Variants in CERKL observed in about 807,000 individuals in gnomAD.
CERKL encodes the protein ceramide kinase-like protein.
A neutral mutation model predicts 63.4 loss-of-function variants in CERKL; 61 were observed. That is an observed-to-expected ratio of 0.96 (90% CI 0.78 to 1.19). CERKL has a LOEUF of 1.19. Ranked by LOEUF, CERKL falls within the 50% of genes most tolerant of loss-of-function variation. The pLI is 0.00. For synonymous variants in CERKL, 250 were observed against 230.5 expected (o/e 1.08, Z -0.77); for missense variants, 675 against 655.5 (o/e 1.03, Z -0.33).
chr2:181,554,230 T>C (rs1176690740), intron 5 of CERKL, among the ~76,000 whole-genome samples: 2 of 151,058 alleles, frequency 1.3e-5, no homozygotes, highest in Admixed American at 6.6e-5. Context: ...ATTAACTTAA[T>C]TAACCAGATA....
At chr2:181,639,241 A>T (rs766812139) in intron 1 of CERKL, among the ~76,000 whole-genome samples, 14 of 152,162 alleles carry the variant, frequency 9.2e-5, no homozygotes, top group Non-Finnish European at 1.9e-4. Flanking sequence ...GATGCCTAGG[A>T]ATTACTTCAA....
At chr2:181,631,154 C>T (rs139985967) in intron 1 of CERKL, among the ~76,000 whole-genome samples, 111 of 152,328 alleles carry the variant, frequency 7.3e-4, no homozygotes, top group African/African-American at 2.4e-3. Context: ...ACAAGAATTT[C>T]TCATGCTGCC....
chr2:181,629,706 A>G (rs934906626), intron 1 of CERKL, among the ~76,000 whole-genome samples: 2 of 151,754 alleles, frequency 1.3e-5, no homozygotes, highest in Non-Finnish European at 2.9e-5. Context: ...TGACATTGTT[A>G]GTGATATTCA....
At chr2:181,606,552 G>C (rs1194795577) in intron 1 of CERKL, among the ~76,000 whole-genome samples, 1 of 76,064 alleles carries the variant, frequency 1.3e-5, no homozygotes, top group East Asian at 5.3e-4. Flanking sequence ...AGGGGAGGGG[G>C]GAGGAGAGGG....
At chr2:181,652,384 G>A (rs1317638161) in intron 1 of CERKL, among the ~76,000 whole-genome samples, 1 of 152,118 alleles carries the variant, frequency 6.6e-6, no homozygotes, top group Non-Finnish European at 1.5e-5. Flanking sequence ...TCAAGAACAT[G>A]CACTGGGAAA....
At position 181,547,629 on chromosome 2, in the gene CERKL, T is replaced by G. The variant is rs2105801474; in HGVS notation, c.1257A>C (p.Ala419=). The change falls in exon 10 of 13, where the codon GCA becomes GCC. Residue 419 remains alanine (A), a synonymous_variant. Coordinates refer to ENST00000410087, the MANE Select transcript of CERKL (RefSeq NM_201548.5). Reference sequence around the variant, plus strand: ...AAATGCTTACTAACCTGGTATTAGGTGCCAAGCCTCTAGGTGCCACTGAAC... The same window carrying G: ...AAATGCTTACTAACCTGGTATTAGGGGCCAAGCCTCTAGGTGCCACTGAAC... The part of the protein sequence containing the change: ...CLCSVAPRGL[A]PNTRLNNGSM... The G allele has an allele frequency of 6.2e-7, 1 of 1,613,810 alleles. No homozygotes were observed. Among genetic ancestry groups the G allele is most frequent in the South Asian group, 1.1e-5 (1 of 91,070 alleles).
rs1205755482 is a variant in CERKL, at chr2:181,539,231, C to T, written c.1399G>A (p.Glu467Lys). ...NFPFVETYTV[E>K]EVKVHPRNNT... ...TTCCTTGGATGAACTTTTACTTCCT[C>T]AACAGTGTAAGTCTCAACAAATGGA... is the stretch of plus-strand genomic sequence containing the variant. The change falls in exon 12 of 13, where the codon GAG (glutamate) becomes AAG (lysine). Residue 467 changes from glutamate (E) to lysine (K), a missense_variant. Transcript: ENST00000410087. The T allele has an allele frequency of 6.3e-7, 1 of 1,599,350 alleles. No homozygotes were observed. Among genetic ancestry groups the T allele is most frequent in the Admixed American group, 1.7e-5 (1 of 59,964 alleles).
At chr2:181,630,225 C>T (rs1312292364) in intron 1 of CERKL, among the ~76,000 whole-genome samples, 1 of 151,940 alleles carries the variant, frequency 6.6e-6, no homozygotes, top group East Asian at 1.9e-4. Flanking sequence ...CCCCCTGCCC[C>T]CCCAGAGTCG....
intron 1 of CERKL, among the ~76,000 whole-genome samples, chr2:181,654,064 A>T (rs1350977240): frequency 6.6e-6 from 1 of 152,196 alleles, no homozygotes; most frequent in Non-Finnish European, 1.5e-5. Flanking sequence ...TAAACAATTA[A>T]AAAGTTATTA....
At chr2:181,541,851 G>A (rs932529663) in intron 11 of CERKL, among the ~76,000 whole-genome samples, 1 of 152,176 alleles carries the variant, frequency 6.6e-6, no homozygotes, top group African/African-American at 2.4e-5. Context: ...ACAGAGCAAC[G>A]CAGAAGGAAC....
intron 1 of CERKL, among the ~76,000 whole-genome samples, chr2:181,639,073 T>C (rs954606616): frequency 6.6e-6 from 1 of 152,224 alleles, no homozygotes; most frequent in African/African-American, 2.4e-5. Context: ...AAGGTTGACA[T>C]ATTTAAAAAA....
intron 1 of CERKL, among the ~76,000 whole-genome samples, chr2:181,614,324 T>C (rs1157286122): frequency 3.3e-5 from 5 of 152,222 alleles, no homozygotes; most frequent in African/African-American, 1.2e-4. Flanking sequence ...AACATTTATT[T>C]TTTGGACATT....
At chr2:181,549,956 C>T (rs1327756835) in intron 5 of CERKL, among the ~76,000 whole-genome samples, 3 of 152,140 alleles carry the variant, frequency 2.0e-5, no homozygotes, top group Admixed American at 6.6e-5. Context: ...TTTATAGTAA[C>T]CGCTTACAGC....
chr2:181,573,760 A>G lies in CERKL; in HGVS notation c.606T>C (p.Asp202=). 1 of 1,612,138 alleles carries G rather than the reference A, an allele frequency of 6.2e-7. No individual in the cohort carries two copies. The highest frequency in any genetic ancestry group is 8.5e-7 in the Non-Finnish European group (1 of 1,178,742). ...PLLKLAGIKT[D]VTIMEYEGHA... is the part of the protein sequence containing the mutation. ...ATTCTGAAAATTACTTACTTGTTAC[A>G]TCAGTTTTTATTCCTGCAAGCTTCA... The change falls in exon 3 of 13, where the codon GAT becomes GAC. Residue 202 remains aspartate, a synonymous_variant. Transcript: ENST00000410087.
At chr2:181,601,582 T>A (rs907909821) in intron 2 of CERKL, among the ~76,000 whole-genome samples, 1 of 152,084 alleles carries the variant, frequency 6.6e-6, no homozygotes, top group Non-Finnish European at 1.5e-5. Flanking sequence ...ATAAACAAAA[T>A]TTTTTAAAAG....
intron 4 of CERKL, among the ~76,000 whole-genome samples, chr2:181,560,360 G>A (rs1688386450): frequency 6.6e-6 from 1 of 152,146 alleles, no homozygotes; most frequent in Non-Finnish European, 1.5e-5. Context: ...CAATTATAGC[G>A]TCATGCATAT....
At chr2:181,554,211 T>C (rs1046065873) in intron 5 of CERKL, among the ~76,000 whole-genome samples, 21 of 148,696 alleles carry the variant, frequency 1.4e-4, no homozygotes, top group African/African-American at 4.9e-4. Context: ...CAAGCACTTC[T>C]GCAGAACAAT....
chr2:181,633,864 G>C (rs1687067576), intron 1 of CERKL, among the ~76,000 whole-genome samples: 1 of 152,016 alleles, frequency 6.6e-6, no homozygotes, highest in Admixed American at 6.6e-5. Context: ...ACGCATCAAA[G>C]AAACTAAGTA....
chr2:181,562,135 C>T (rs909527163), intron 4 of CERKL, among the ~76,000 whole-genome samples: 1 of 152,130 alleles, frequency 6.6e-6, no homozygotes, highest in African/African-American at 2.4e-5. Flanking sequence ...TACACCACCC[C>T]ATTTATCTTA....
Sources: gnomAD v4.1 joint callset for allele counts (sites outside exome capture counted in the v4.1 genomes callset) on GRCh38, gnomAD v4.1.1 for gene constraint, MANE v1.5 for transcripts, NCBI Gene and HGNC (gene_info 2026-07-23, HGNC 2026-07-21) for gene names.